Variants in CSMD1 observed in about 807,000 individuals in gnomAD.
CSMD1 encodes the protein CUB and sushi domain-containing protein 1.
A neutral mutation model predicts 417.5 loss-of-function variants in CSMD1; 213 were observed. That is an observed-to-expected ratio of 0.51 (90% CI 0.46 to 0.57). CSMD1 has a LOEUF of 0.57. Ranked by LOEUF, CSMD1 falls within the 20% of genes least tolerant of loss-of-function variation. The pLI is 0.00. For missense variants in CSMD1, 6,923 were observed against 4,529.7 expected, an observed-to-expected ratio of 1.53 and a Z score of -15.17; for synonymous variants, 2,862 against 1,736.8, an observed-to-expected ratio of 1.65 and a Z score of -16.11.
At chr8:3,672,193 T>A (rs1360394554) in intron 7 of CSMD1, among the ~76,000 whole-genome samples, 1 of 152,186 alleles carries the variant, frequency 6.6e-6, no homozygotes, top group Non-Finnish European at 1.5e-5. Flanking sequence ...ATAAGTTTGA[T>A]GAAATTGACT....
At chr8:3,314,423 T>C (rs1020534738) in intron 23 of CSMD1, among the ~76,000 whole-genome samples, 3 of 152,210 alleles carry the variant, frequency 2.0e-5, no homozygotes, top group African/African-American at 7.2e-5. Flanking sequence ...TATCCTTTTC[T>C]ATCTTGAAGC....
chr8:3,605,706 C>A (rs75736496), intron 8 of CSMD1, among the ~76,000 whole-genome samples: 99 of 152,232 alleles, frequency 6.5e-4, no homozygotes, highest in African/African-American at 2.3e-3. Context: ...AGACAAAGAA[C>A]AGATGTTATT....
At chr8:3,700,353 C>A (rs749036685) in intron 7 of CSMD1, 9 of 152,110 alleles carry the variant, frequency 5.9e-5, no homozygotes, top group Non-Finnish European at 1.3e-4. Flanking sequence ...ATGAAATGAA[C>A]AGGGTTACTT....
rs1017212510 is a variant in CSMD1 at position 4,287,224 on chromosome 8, C to G, written c.415+132729G>C. The stretch of plus-strand genomic sequence containing the variant: ...ACATAGCTAATTAGATATCTTGCCT[C>G]TATTTCCTGGCAAGTTCTAAAAGAT... On this transcript the variant is annotated intron_variant, in intron 3 of 69. Coordinates refer to ENST00000635120, the MANE Select transcript of CSMD1 (RefSeq NM_033225.6). 2.0e-5 allele frequency among the ~76,000 whole-genome samples: 3 copies of G among 152,184 alleles called. No homozygotes were observed. In the East Asian group the frequency reaches 5.8e-4, roughly 29 times the overall value.
At chr8:3,842,148 C>A (rs111881352) in intron 5 of CSMD1, among the ~76,000 whole-genome samples, 4 of 152,332 alleles carry the variant, frequency 2.6e-5, no homozygotes, top group African/African-American at 9.6e-5. Flanking sequence ...CCTTGTCAAA[C>A]AACCTCAGGT....
intron 5 of CSMD1, among the ~76,000 whole-genome samples, chr8:3,872,794 C>G (rs1805564755): frequency 1.3e-5 from 2 of 151,336 alleles, no homozygotes; most frequent in Non-Finnish European, 2.9e-5. Context: ...GATCTAATAT[C>G]CAGCATTTGT....
At chr8:4,707,247 A>C (rs986682587) in intron 1 of CSMD1, among the ~76,000 whole-genome samples, 2 of 152,168 alleles carry the variant, frequency 1.3e-5, no homozygotes, top group Non-Finnish European at 2.9e-5. Flanking sequence ...TCATTCTTAC[A>C]ACGGTCCTAG....
At chr8:3,895,032 T>C (rs910274588) in intron 5 of CSMD1, among the ~76,000 whole-genome samples, 1 of 152,168 alleles carries the variant, frequency 6.6e-6, no homozygotes, top group Non-Finnish European at 1.5e-5. Context: ...TTGTGAGGTA[T>C]TTATTATTTG....
intron 3 of CSMD1, among the ~76,000 whole-genome samples, chr8:4,122,146 T>C (rs1802520763): frequency 6.6e-6 from 1 of 152,192 alleles, no homozygotes; most frequent in Admixed American, 6.5e-5. Context: ...ATAATGTCGC[T>C]AAGTTATTTT....
In CSMD1 at chr8:3,308,520, C is replaced by G. The variant is rs777136726; in HGVS notation, c.3632-17G>C. 1.3e-6 allele frequency: 2 copies of G among 1,599,530 alleles called. No homozygotes were observed. Among genetic ancestry groups the G allele is most frequent in the South Asian group, 2.2e-5 (2 of 89,856 alleles). On this transcript the variant is annotated splice_polypyrimidine_tract_variant and intron_variant, in intron 23 of 69. Coordinates refer to ENST00000635120, the MANE Select transcript of CSMD1 (RefSeq NM_033225.6). ...GATCAAAACCTGCAAGAGAGAAAGG[C>G]AAGGAATGAACAGAACTCAAGGGTG...
At chr8:3,249,303 C>G (rs890582681) in intron 26 of CSMD1, among the ~76,000 whole-genome samples, 1 of 152,140 alleles carries the variant, frequency 6.6e-6, no homozygotes, top group Non-Finnish European at 1.5e-5. Context: ...TTCACTGCAA[C>G]CTCTGCCTCC....
intron 4 of CSMD1, among the ~76,000 whole-genome samples, chr8:4,021,360 G>T (rs1378026156): frequency 2.0e-5 from 3 of 152,188 alleles, no homozygotes; most frequent in African/African-American, 7.2e-5. Flanking sequence ...CATTTTCCGT[G>T]TCGCATCTGG....
At chr8:4,660,460 A>G (rs185441054) in intron 1 of CSMD1, among the ~76,000 whole-genome samples, 49 of 152,244 alleles carry the variant, frequency 3.2e-4, no homozygotes, top group Non-Finnish European at 6.2e-4. Context: ...AAATTGACAC[A>G]CAGGTTTATT....
intron 6 of CSMD1, among the ~76,000 whole-genome samples, chr8:3,710,612 G>C (rs944574819): frequency 2.6e-5 from 4 of 152,030 alleles, no homozygotes; most frequent in Non-Finnish European, 5.9e-5. Context: ...CTTGGCCCCT[G>C]TGTATTCTGA....
chr8:2,947,581 A>C (rs536495967), intron 68 of CSMD1, among the ~76,000 whole-genome samples: 51 of 152,328 alleles, frequency 3.3e-4, no homozygotes, highest in African/African-American at 1.2e-3. Flanking sequence ...TGCAAAGAAA[A>C]CGTGTAATAG....
At chr8:3,807,140 G>T (rs1800787151) in intron 5 of CSMD1, among the ~76,000 whole-genome samples, 1 of 152,112 alleles carries the variant, frequency 6.6e-6, no homozygotes, top group South Asian at 2.1e-4. Context: ...CTAAAGAAAA[G>T]TTTAACCTTG....
intron 3 of CSMD1, among the ~76,000 whole-genome samples, chr8:4,404,113 G>T (rs927727775): frequency 6.6e-6 from 1 of 152,112 alleles, no homozygotes; most frequent in Non-Finnish European, 1.5e-5. Flanking sequence ...TATTTCTCCA[G>T]AATTCCACGC....
intron 29 of CSMD1, among the ~76,000 whole-genome samples, chr8:3,217,702 G>A (rs1401539697): frequency 6.6e-6 from 1 of 152,102 alleles, no homozygotes; most frequent in Non-Finnish European, 1.5e-5. Context: ...TACTCTGATT[G>A]CTAAATTGTA....
chr8:3,450,544 C>G (rs112311456), intron 12 of CSMD1, among the ~76,000 whole-genome samples: 15,206 of 150,134 alleles, frequency 0.1, 1,379 homozygotes, highest in East Asian at 0.31. Context: ...TCCCACCTAT[C>G]AATGAGAACA....
Sources: allele counts gnomAD v4.1 joint callset (sites outside exome capture counted in the v4.1 genomes callset), GRCh38; gene constraint gnomAD v4.1.1; transcripts MANE v1.5; gene names NCBI Gene and HGNC (gene_info 2026-07-23, HGNC 2026-07-21).